Variants in RPH3A observed in about 807,000 individuals in gnomAD.
RPH3A encodes the protein rabphilin 3A, also known as rabphilin-3A.
A neutral mutation model predicts 102.2 loss-of-function variants in RPH3A; 48 were observed. The ratio of observed to expected loss-of-function variants is 0.47; its 90% CI spans 0.37 to 0.60. The LOEUF (loss-of-function observed/expected upper bound fraction) is 0.60. RPH3A is among the 20% of genes least tolerant of loss of function. The pLI, the probability that RPH3A is intolerant of heterozygous loss-of-function variation, is 0.00. For synonymous variants in RPH3A, 310 were observed against 324.3 expected, an observed-to-expected ratio of 0.96 and a Z score of 0.47; for missense variants, 781 against 910.1, an observed-to-expected ratio of 0.86 and a Z score of 1.83.
At chr12:112,862,531 T>G (rs944443205) in intron 5 of RPH3A, among the ~76,000 whole-genome samples, 1 of 152,186 alleles carries the variant, frequency 6.6e-6, no homozygotes, top group Non-Finnish European at 1.5e-5. Flanking sequence ...GACTATGGAC[T>G]GGGAGCTTGT....
chr12:112,795,215 A>G (rs898271693), intron 2 of RPH3A, among the ~76,000 whole-genome samples: 1 of 152,166 alleles, frequency 6.6e-6, no homozygotes, highest in Admixed American at 6.5e-5. Flanking sequence ...AAAAACCACC[A>G]TGACACATGG....
chr12:112,749,003 A>G (rs1184306643), intron 1 of RPH3A, among the ~76,000 whole-genome samples: 2 of 152,050 alleles, frequency 1.3e-5, no homozygotes, highest in Admixed American at 6.6e-5. Context: ...ATCCTTGAGG[A>G]TGCTCTCATG....
At chr12:112,830,290 A>C (rs999323410) in intron 3 of RPH3A, among the ~76,000 whole-genome samples, 11 of 152,082 alleles carry the variant, frequency 7.2e-5, no homozygotes. Flanking sequence ...TTACCCCAAG[A>C]GTGATTTGGA....
chr12:112,736,005 G>C (rs2040667062), intron 1 of RPH3A, among the ~76,000 whole-genome samples: 1 of 152,038 alleles, frequency 6.6e-6, no homozygotes, highest in Non-Finnish European at 1.5e-5. Flanking sequence ...TCTTGACTTT[G>C]CATAGGCTGT....
At chr12:112,575,773 A>G (rs1383299760) in intron 1 of RPH3A, among the ~76,000 whole-genome samples, 1 of 152,030 alleles carries the variant, frequency 6.6e-6, no homozygotes, top group African/African-American at 2.4e-5. Context: ...AAGACGGGAA[A>G]CTCAGAAAGT....
chr12:112,829,789 T>C lies in RPH3A; in HGVS notation c.71+1400T>C, dbSNP rs570605080. ...GTGGATAATTAGTTCATGCTTTCTA[T>C]GAACAAAGGTAGCCATGAAGACAAA... On this transcript the variant is annotated intron_variant, in intron 3 of 21. Transcript: ENST00000389385. Among the ~76,000 whole-genome samples, 6 of 152,292 alleles carry C rather than the reference T, an allele frequency of 3.9e-5. No homozygotes were observed. In the East Asian group the frequency reaches 1.2e-3, roughly 29 times the overall value.
intron 6 of RPH3A, among the ~76,000 whole-genome samples, chr12:112,865,935 G>A (rs186693846): frequency 3.8e-4 from 58 of 152,280 alleles, no homozygotes; most frequent in African/African-American, 1.3e-3. Context: ...CAGTTTTCTC[G>A]TATCCTGGGT....
chr12:112,658,947 C>G (rs1028580862), intron 1 of RPH3A, among the ~76,000 whole-genome samples: 3 of 152,142 alleles, frequency 2.0e-5, no homozygotes, highest in African/African-American at 4.8e-5. Flanking sequence ...TGAGAACTCA[C>G]TTTATACCAG....
At chr12:112,606,187 T>G (rs1479170541) in intron 1 of RPH3A, among the ~76,000 whole-genome samples, 1 of 152,200 alleles carries the variant, frequency 6.6e-6, no homozygotes, top group Non-Finnish European at 1.5e-5. Context: ...AATTTGCATA[T>G]GCTCTTGTGA....
intron 1 of RPH3A, among the ~76,000 whole-genome samples, chr12:112,636,063 T>C (rs573633256): frequency 9.3e-4 from 141 of 152,300 alleles, no homozygotes; most frequent in Non-Finnish European, 1.7e-3. Context: ...CTCTCTAATA[T>C]AGCAATCTGG....
At position 112,876,644 on chromosome 12, in the gene RPH3A, G is replaced by A; in HGVS notation, c.949G>A (p.Val317Met). The change falls in exon 13 of 22, where the codon GTG (valine) becomes ATG (methionine). Residue 317 changes from valine (V) to methionine (M), a missense_variant and splice_region_variant. By Grantham distance (21) the Val-to-Met change is conservative (BLOSUM62 1). Around this residue, in one of 2 missense-constraint regions of RPH3A, gnomAD observed 730 missense variants for 810.0 expected, o/e 0.90. Coordinates refer to ENST00000389385, the MANE Select transcript of RPH3A (RefSeq NM_001143854.2). ...TTCCTGTCCTTATCTCCCTGCAGAGGTGGCTCCGAGCGACCCTGGGACCAC... is the reference window on the plus strand; with the variant it reads ...TTCCTGTCCTTATCTCCCTGCAGAGATGGCTCCGAGCGACCCTGGGACCAC... ...AGRFPDQKPE[V>M]APSDPGTTAP... 1 of 1,603,040 alleles carries A rather than the reference G, an allele frequency of 6.2e-7. No individual in the cohort carries two copies. Among genetic ancestry groups the A allele is most frequent in the South Asian group, 1.1e-5 (1 of 89,438 alleles).
intron 1 of RPH3A, among the ~76,000 whole-genome samples, chr12:112,660,676 C>T (rs2040042949): frequency 6.6e-6 from 1 of 152,088 alleles, no homozygotes; most frequent in Non-Finnish European, 1.5e-5. Flanking sequence ...CAAAGTGAGA[C>T]CCTGTCTCCA....
rs372176023 is a variant in RPH3A, at chr12:112,803,293, C to A, written c.-19+11030C>A. Among the ~76,000 whole-genome samples, 3 of 151,922 alleles carry A rather than the reference C, an allele frequency of 2.0e-5. No homozygotes were observed. In the East Asian group the frequency reaches 5.9e-4, roughly 30 times the overall value. On this transcript the variant is annotated intron_variant, in intron 2 of 21. Coordinates refer to ENST00000389385, the MANE Select transcript of RPH3A (RefSeq NM_001143854.2). ...CATTTGGGTACAAGTTCCAGATGTG[C>A]CTGATAATTCATCCTCTCCCTTTCT...
chr12:112,738,730 C>G (rs2040686715), intron 1 of RPH3A, among the ~76,000 whole-genome samples: 1 of 152,110 alleles, frequency 6.6e-6, no homozygotes, highest in African/African-American at 2.4e-5. Context: ...TAAACCCGTC[C>G]CATCACAGCA....
At chr12:112,701,659 G>A (rs1363214680) in intron 1 of RPH3A, among the ~76,000 whole-genome samples, 1 of 152,166 alleles carries the variant, frequency 6.6e-6, no homozygotes, top group African/African-American at 2.4e-5. Context: ...AAGATGTTAT[G>A]GTTTAGCTCA....
intron 4 of RPH3A, among the ~76,000 whole-genome samples, chr12:112,840,049 C>T (rs1201970773): frequency 2.0e-5 from 3 of 152,182 alleles, no homozygotes; most frequent in Admixed American, 1.3e-4. Flanking sequence ...TTCAAATTCA[C>T]ATGGCATAGG....
chr12:112,891,695 C>A (rs545639737), intron 19 of RPH3A, among the ~76,000 whole-genome samples: 27 of 152,322 alleles, frequency 1.8e-4, no homozygotes, highest in African/African-American at 6.0e-4. Context: ...AGTCCTCAAG[C>A]CAAAACTGGC....
chr12:112,773,622 T>C (rs926004975), intron 1 of RPH3A, among the ~76,000 whole-genome samples: 1 of 151,962 alleles, frequency 6.6e-6, no homozygotes, highest in African/African-American at 2.4e-5. Flanking sequence ...TTTTTTTAAG[T>C]TGATGTTTAT....
intron 13 of RPH3A, among the ~76,000 whole-genome samples, chr12:112,877,919 C>T (rs1292776975): frequency 6.6e-6 from 1 of 152,202 alleles, no homozygotes; most frequent in Non-Finnish European, 1.5e-5. Flanking sequence ...TTAATCTTCC[C>T]TACGAACCTG....
Sources: allele counts gnomAD v4.1 joint callset (sites outside exome capture counted in the v4.1 genomes callset), GRCh38; gene constraint gnomAD v4.1.1; regional missense constraint gnomAD v4.1.1; transcripts MANE v1.5; gene names NCBI Gene and HGNC (gene_info 2026-07-23, HGNC 2026-07-21).